TTC1: variants seen among roughly 807,000 people sequenced by gnomAD.
TTC1 encodes the protein tetratricopeptide repeat protein 1.
In TTC1, 31 loss-of-function variants were observed where a neutral mutation model predicts 37.6. That is an observed-to-expected ratio of 0.82 (90% CI 0.62 to 1.11). The LOEUF (loss-of-function observed/expected upper bound fraction) is 1.11. Ranked by LOEUF, TTC1 falls within the 50% of genes most tolerant of loss-of-function variation. The probability of loss-of-function intolerance (pLI) is 0.00; values close to 1 mark genes in which losing one functional copy is unlikely to be tolerated. For synonymous variants in TTC1, 127 were observed against 122.4 expected (o/e 1.04, Z -0.25); for missense variants, 351 against 339.0 (o/e 1.04, Z -0.28).
chr5:160,048,395 C>T (rs1757313431), intron 5 of TTC1, among the ~76,000 whole-genome samples: 1 of 152,010 alleles, frequency 6.6e-6, no homozygotes, highest in African/African-American at 2.4e-5. Flanking sequence ...CCCCAATTGA[C>T]CTGCCTGCCT....
intron 7 of TTC1, chr5:160,062,156 C>G (rs1449774319): frequency 1.3e-5 from 2 of 152,232 alleles, no homozygotes; most frequent in Non-Finnish European, 2.9e-5. Context: ...GCTAAAAGTT[C>G]AAAGGTGGCT....
chr5:160,013,349 T>C (rs1023043201), intron 2 of TTC1, among the ~76,000 whole-genome samples: 1 of 152,016 alleles, frequency 6.6e-6, no homozygotes, highest in Non-Finnish European at 1.5e-5. Flanking sequence ...AACAGGATAG[T>C]GTTATATTTG....
At chr5:160,032,799 C>T (rs1400452827) in intron 2 of TTC1, among the ~76,000 whole-genome samples, 1 of 149,524 alleles carries the variant, frequency 6.7e-6, no homozygotes, top group Admixed American at 6.7e-5. Context: ...CTCCAGCCTC[C>T]GCCTCCCAGG....
intron 2 of TTC1, chr5:160,024,004 A>G: frequency 1.3e-6 from 2 of 1,518,166 alleles, no homozygotes; most frequent in Non-Finnish European, 1.8e-6. Context: ...AATCTTTTGC[A>G]AAGTGGCCTT....
At chr5:160,042,875 CAGTT>C (rs961527135) in intron 4 of TTC1, among the ~76,000 whole-genome samples, 26 of 152,134 alleles carry the variant, frequency 1.7e-4, no homozygotes, top group Admixed American at 1.7e-3. Flanking sequence ...TGTAATAGGT[CAGTT>C]AGAACAAAAG....
At chr5:160,041,164 G>A (rs1046672795) in intron 4 of TTC1, among the ~76,000 whole-genome samples, 4 of 152,042 alleles carry the variant, frequency 2.6e-5, no homozygotes, top group African/African-American at 4.8e-5. Flanking sequence ...CCATACTTCC[G>A]ATAGGACCTG....
At chr5:160,025,184 C>A (rs1254657105) in intron 2 of TTC1, among the ~76,000 whole-genome samples, 1 of 152,142 alleles carries the variant, frequency 6.6e-6, no homozygotes, top group African/African-American at 2.4e-5. Context: ...CCTGCCACCA[C>A]ACCTGGCTAA....
At chr5:160,021,052 C>T (rs535672324) in intron 2 of TTC1, among the ~76,000 whole-genome samples, 6 of 152,264 alleles carry the variant, frequency 3.9e-5, no homozygotes, top group Admixed American at 6.5e-5. Flanking sequence ...GTTAAAATGA[C>T]GTTCAGTATT....
intron 3 of TTC1, 113 bp from the exon 4 acceptor site, chr5:160,036,578 T>C: frequency 1.4e-6 from 1 of 708,146 alleles, no homozygotes; most frequent in Non-Finnish European, 2.4e-6. Flanking sequence ...TACCATCTTT[T>C]AACTCAAAAC....
In TTC1 at chr5:160,010,568, C is replaced by G; in HGVS notation, c.40C>G (p.Leu14Val). The change falls in exon 2 of 8, where the codon CTG (leucine) becomes GTG (valine). Residue 14 changes from leucine (L) to valine (V), a missense_variant. Transcript: ENST00000231238. ...KSENCGVPED[L>V]LNGLKVTDTQ... ...AGAGAACTGTGGGGTTCCAGAGGAT[C>G]TGTTAAATGGTTTGAAGGTTACAGA... 6.2e-7 allele frequency: 1 copy of G among 1,614,074 alleles called. No individual in the cohort carries two copies. The highest frequency in any genetic ancestry group is 8.5e-7 in the Non-Finnish European group (1 of 1,180,002).
chr5:160,026,056 G>C (rs369321914), intron 2 of TTC1, among the ~76,000 whole-genome samples: 2 of 152,180 alleles, frequency 1.3e-5, no homozygotes, highest in East Asian at 1.9e-4. Flanking sequence ...AAATATTTCA[G>C]GTCTAGAATA....
chr5:160,025,161 G>A (rs2113355654), intron 2 of TTC1, among the ~76,000 whole-genome samples: 1 of 152,330 alleles, frequency 6.6e-6, no homozygotes, highest in East Asian at 1.9e-4. Context: ...CCAAGTAGCT[G>A]GGATTACAGG....
intron 4 of TTC1, among the ~76,000 whole-genome samples, chr5:160,037,478 G>A (rs112021498): frequency 1.3e-5 from 2 of 152,288 alleles, no homozygotes; most frequent in African/African-American, 4.8e-5. Flanking sequence ...CACTATGGGT[G>A]GCCGAGGCGG....
intron 7 of TTC1, among the ~76,000 whole-genome samples, chr5:160,058,700 C>T (rs1405675071): frequency 2.6e-5 from 4 of 152,044 alleles, no homozygotes; most frequent in African/African-American, 4.8e-5. Flanking sequence ...CGTGAGCCAC[C>T]GCGCCTGGCC....
chr5:160,030,165 G>A (rs528822214), intron 2 of TTC1, among the ~76,000 whole-genome samples: 1 of 152,334 alleles, frequency 6.6e-6, no homozygotes, highest in African/African-American at 2.4e-5. Flanking sequence ...TGGCCCCAGG[G>A]AGGAGCTGTG....
At chr5:160,038,586 G>A (rs775872505) in intron 4 of TTC1, among the ~76,000 whole-genome samples, 2 of 151,846 alleles carry the variant, frequency 1.3e-5, no homozygotes, top group African/African-American at 2.4e-5. Flanking sequence ...TCAAAAGAGC[G>A]TTGCTCTATG....
intron 7 of TTC1, among the ~76,000 whole-genome samples, chr5:160,052,578 T>G (rs1757434509): frequency 1.8e-5 from 2 of 109,278 alleles, no homozygotes; most frequent in African/African-American, 3.7e-5. Context: ...AAAAAAACTG[T>G]TTGCATTTAG....
chr5:160,045,358 A>G (rs1025379890), intron 5 of TTC1, among the ~76,000 whole-genome samples: 4 of 152,022 alleles, frequency 2.6e-5, no homozygotes, highest in African/African-American at 4.8e-5. Flanking sequence ...GTGGTTAGAC[A>G]TGGTCATTAT....
intron 2 of TTC1, among the ~76,000 whole-genome samples, chr5:160,030,073 A>C (rs1756882639): frequency 6.6e-6 from 1 of 152,234 alleles, no homozygotes; most frequent in Non-Finnish European, 1.5e-5. Flanking sequence ...ACAATCTGTG[A>C]GGCAGAATTG....
Sources: allele counts gnomAD v4.1 joint callset (sites outside exome capture counted in the v4.1 genomes callset), GRCh38; gene constraint gnomAD v4.1.1; transcripts MANE v1.5; gene names NCBI Gene and HGNC (gene_info 2026-07-23, HGNC 2026-07-21).